The following AFG2A variants were observed in gnomAD, a reference collection of about 807,000 sequenced individuals.
AFG2A encodes the protein ATPase family gene 2 protein homolog A.
chr4:123,230,853 G>T, the AFG2A span, among the ~76,000 whole-genome samples: 6 of 151,992 alleles, frequency 3.9e-5, no homozygotes, highest in African/African-American at 1.4e-4. Context: ...CATCAGAGTT[G>T]TTGGCTGACT....
chr4:123,119,459 AG>A, the AFG2A span, among the ~76,000 whole-genome samples: 1 of 152,166 alleles, frequency 6.6e-6, no homozygotes, highest in Non-Finnish European at 1.5e-5. Context: ...TGAAGAGTCT[AG>A]GAAGTGACAT....
chr4:123,094,980 CACCATG>C, the AFG2A span, among the ~76,000 whole-genome samples: 1 of 147,040 alleles, frequency 6.8e-6, no homozygotes, highest in African/African-American at 2.5e-5. Flanking sequence ...GACAAGAATC[CACCATG>C]CAAGGTCCCT....
At chr4:123,199,123 CT>C in the AFG2A span, among the ~76,000 whole-genome samples, 2 of 152,108 alleles carry the variant, frequency 1.3e-5, no homozygotes, top group Non-Finnish European at 2.9e-5. Context: ...AAAGGGCAGA[CT>C]CCTCCACATC....
At chr4:123,032,360 T>C in the AFG2A span, among the ~76,000 whole-genome samples, 6 of 152,308 alleles carry the variant, frequency 3.9e-5, no homozygotes, top group Admixed American at 2.6e-4. Flanking sequence ...GAAAGTGATA[T>C]GCACTCTGTG....
chr4:123,264,432 G>T, the AFG2A span, among the ~76,000 whole-genome samples: 608 of 152,272 alleles, frequency 4.0e-3, 4 homozygotes, highest in South Asian at 7.3e-3. Context: ...AGCACTTGTT[G>T]TAAATTGCTA....
the AFG2A span, among the ~76,000 whole-genome samples, chr4:123,089,806 T>A: frequency 1.3e-5 from 2 of 152,172 alleles, no homozygotes; most frequent in African/African-American, 4.8e-5. Flanking sequence ...CAGGCTGGTC[T>A]TGAACTCCTG....
the AFG2A span, among the ~76,000 whole-genome samples, chr4:123,016,709 C>T: frequency 1.3e-5 from 2 of 152,002 alleles, no homozygotes; most frequent in African/African-American, 2.4e-5. Flanking sequence ...TCCTCACTTC[C>T]CAGACGGGGT....
chr4:123,225,479 A>C, the AFG2A span, among the ~76,000 whole-genome samples: 11 of 152,242 alleles, frequency 7.2e-5, no homozygotes, highest in Admixed American at 2.0e-4. Context: ...TCCTTTCCCC[A>C]TTTCTTGTTT....
chr4:123,219,478 A>G, the AFG2A span, among the ~76,000 whole-genome samples: 1 of 152,186 alleles, frequency 6.6e-6, no homozygotes, highest in Non-Finnish European at 1.5e-5. Context: ...CCCTCGGTTC[A>G]GTCACACCTA....
the AFG2A span, among the ~76,000 whole-genome samples, chr4:123,146,690 C>T: frequency 6.6e-6 from 1 of 152,152 alleles, no homozygotes; most frequent in Non-Finnish European, 1.5e-5. Context: ...GCTTTTTTAT[C>T]TGAACATGTT....
At chr4:123,308,917 T>C in the AFG2A span, among the ~76,000 whole-genome samples, 77,723 of 151,728 alleles carry the variant, frequency 0.51, 24,448 homozygotes, top group Non-Finnish European at 0.67. Flanking sequence ...ACACTGGCCT[T>C]CCTTCTGTCT....
At chr4:123,018,665 G>T in the AFG2A span, among the ~76,000 whole-genome samples, 1 of 150,948 alleles carries the variant, frequency 6.6e-6, no homozygotes, top group Non-Finnish European at 1.5e-5. Context: ...ACAGAGTCTC[G>T]CTGTGTCACC....
At chr4:123,166,709 G>T in the AFG2A span, among the ~76,000 whole-genome samples, 2 of 152,114 alleles carry the variant, frequency 1.3e-5, no homozygotes, top group Non-Finnish European at 2.9e-5. Context: ...GGGGAGAAAA[G>T]AATTAGATTA....
At chr4:123,092,701 A>T in the AFG2A span, among the ~76,000 whole-genome samples, 2 of 152,330 alleles carry the variant, frequency 1.3e-5, no homozygotes, top group East Asian at 3.9e-4. Flanking sequence ...CTGCATTCGC[A>T]TTAGGAGCTC....
chr4:123,030,865 C>G, the AFG2A span, among the ~76,000 whole-genome samples: 16 of 152,218 alleles, frequency 1.1e-4, no homozygotes, highest in Admixed American at 9.8e-4. Flanking sequence ...CTAAAGTGGG[C>G]ATTTTCTTTG....
the AFG2A span, among the ~76,000 whole-genome samples, chr4:122,990,920 C>T: frequency 1.3e-5 from 2 of 152,248 alleles, no homozygotes; most frequent in East Asian, 1.9e-4. Flanking sequence ...CTATATTCCT[C>T]GAACAATGTG....
chr4:123,109,378 G>A, the AFG2A span, among the ~76,000 whole-genome samples: 1 of 152,094 alleles, frequency 6.6e-6, no homozygotes, highest in African/African-American at 2.4e-5. Flanking sequence ...TCTTGTGAGT[G>A]CTTTCACACT....
At chr4:123,107,305 G>A in the AFG2A span, among the ~76,000 whole-genome samples, 1 of 152,172 alleles carries the variant, frequency 6.6e-6, no homozygotes, top group Non-Finnish European at 1.5e-5. Context: ...GGACCAGTGA[G>A]GTATGTGGAC....
the AFG2A span, among the ~76,000 whole-genome samples, chr4:123,104,147 G>A: frequency 1.1e-4 from 16 of 152,036 alleles, no homozygotes; most frequent in African/African-American, 3.9e-4. Flanking sequence ...CAAGTCCATT[G>A]GTGCCATTTT....
Sources: gnomAD v4.1 joint callset for allele counts (sites outside exome capture counted in the v4.1 genomes callset) on GRCh38, gnomAD v4.1.1 for gene constraint, MANE v1.5 for transcripts, NCBI Gene and HGNC (gene_info 2026-07-23, HGNC 2026-07-21) for gene names.